Variants in EMC3 observed in about 807,000 individuals in gnomAD.
EMC3 encodes ER membrane protein complex subunit 3, also known as 30 kDa protein.
EMC3 carries 13 observed loss-of-function variants against 36.6 expected under a neutral mutation model. That is an observed-to-expected ratio of 0.35 (90% CI 0.23 to 0.56). The LOEUF is 0.56. EMC3 is among the 20% of genes least tolerant of loss of function. EMC3 has a pLI of 0.84. For synonymous variants in EMC3, 120 were observed against 111.9 expected (o/e 1.07, Z -0.46); for missense variants, 220 against 324.5 (o/e 0.68, Z 2.47).
intron 1 of EMC3, among the ~76,000 whole-genome samples, chr3:10,009,580 C>A (rs1035368410): frequency 2.0e-5 from 3 of 152,176 alleles, no homozygotes; most frequent in African/African-American, 7.2e-5. Context: ...GGGGCAAGGG[C>A]CCTGAGAGCT....
chr3:9,990,929 C>T (rs932338401), upstream of EMC3, among the ~76,000 whole-genome samples: 6 of 151,796 alleles, frequency 4.0e-5, no homozygotes, highest in Non-Finnish European at 5.9e-5. Flanking sequence ...CCCGGGTTCA[C>T]GCCATTCTCC....
intron 1 of EMC3, among the ~76,000 whole-genome samples, chr3:9,984,142 C>T (rs1456975517): frequency 2.0e-5 from 3 of 151,570 alleles, no homozygotes; most frequent in Admixed American, 1.3e-4. Flanking sequence ...AGTGCAGTGG[C>T]ATGATCTCGG....
chr3:9,987,018 A>G, upstream of EMC3: 1 of 1,038,072 alleles, frequency 9.6e-7, no homozygotes, highest in Non-Finnish European at 1.2e-6. Flanking sequence ...GATCGAGACC[A>G]TCCTGGCTAA....
intron 1 of EMC3, among the ~76,000 whole-genome samples, chr3:9,980,131 A>T (rs1349505432): frequency 1.3e-5 from 2 of 151,186 alleles, no homozygotes; most frequent in Non-Finnish European, 1.5e-5. Context: ...CTCCCGCCTC[A>T]GCCTTCAGAG....
intron 1 of EMC3, among the ~76,000 whole-genome samples, chr3:9,999,855 A>T (rs2086175862): frequency 6.6e-6 from 1 of 152,180 alleles, no homozygotes; most frequent in Admixed American, 6.6e-5. Flanking sequence ...AGACATTGCT[A>T]CCTTATTTTC....
rs143750379 is a variant in EMC3, at chr3:9,986,768, C to G, written c.-107G>C. 1.2e-3 allele frequency: 1,787 copies of G among 1,535,586 alleles called. 20 individuals carry two copies. The African/African-American group carries it at 0.019, about 16-fold the overall frequency. ...CCGGGCCTTCTCAAGCCCCTTTGCC[C>G]GTGTACCCCAGAACTCTCCTGCGAC... On this transcript the variant is annotated 5_prime_UTR_variant, in exon 1 of 8. Transcript: ENST00000245046.
rs757326304 is a variant in EMC3, at chr3:9,963,095, T to TA, written c.*973_*974insT. 3.3e-5 allele frequency: 5 copies of TA among 152,184 alleles called. No individual in the cohort carries two copies. Among genetic ancestry groups the TA allele is most frequent in the Non-Finnish European group, 7.4e-5 (5 of 68,026 alleles). 9.4% of individuals were successfully genotyped at this position (152,184 alleles called of 1,614,324 possible). A position where few individuals can be genotyped will look rare whatever the true frequency, so the allele number is the denominator to read the frequency against. ...GGCAGTGCCTCAGGGTCACTGATTT[T>TA]CACTGGGCAGAATTAAGTGATATAG... On this transcript the variant is annotated 3_prime_UTR_variant, in exon 8 of 8. Transcript: ENST00000245046.
chr3:10,007,821 C>G (rs2086281092), intron 1 of EMC3, among the ~76,000 whole-genome samples: 2 of 152,130 alleles, frequency 1.3e-5, no homozygotes, highest in Admixed American at 1.3e-4. Flanking sequence ...TGGCCGGCAT[C>G]TGAGTGTGGC....
chr3:9,993,189 T>G (rs1035888092), intron 1 of EMC3, among the ~76,000 whole-genome samples: 1 of 152,232 alleles, frequency 6.6e-6, no homozygotes, highest in Non-Finnish European at 1.5e-5. Flanking sequence ...AAACTAGCCT[T>G]TCGTATCCTA....
Position 9,980,580 on chromosome 3 carries a change from G to T in EMC3, c.156-3134C>A, listed in dbSNP as rs576933403. On this transcript the variant is annotated intron_variant, in intron 1 of 7. Transcript: ENST00000245046. Reference sequence around the variant, plus strand: ...TTTTTTTTTTTTTTGTAGAGACAGGGTCTCACTATGCTGCCCAGGCTGGTC... The same window carrying T: ...TTTTTTTTTTTTTTGTAGAGACAGGTTCTCACTATGCTGCCCAGGCTGGTC... Among the ~76,000 whole-genome samples the T allele has an allele frequency of 3.5e-4, 52 of 148,324 alleles. No homozygotes were observed. In the South Asian group the frequency reaches 0.011, roughly 31 times the overall value.
intron 1 of EMC3, among the ~76,000 whole-genome samples, chr3:10,005,842 A>G (rs769677168): frequency 3.3e-5 from 5 of 152,018 alleles, no homozygotes; most frequent in Admixed American, 6.5e-5. Flanking sequence ...ACACAAAACA[A>G]GAGAGGAAGT....
At chr3:9,964,515 T>A (rs1245661482) in intron 7 of EMC3, among the ~76,000 whole-genome samples, 3 of 152,248 alleles carry the variant, frequency 2.0e-5, no homozygotes, top group Non-Finnish European at 1.5e-5. Flanking sequence ...AACCCGTCTA[T>A]CAGCTCACAC....
At chr3:9,987,278 G>T (rs551584579), upstream of EMC3, 2 of 984,714 alleles carry the variant, frequency 2.0e-6, no homozygotes, top group East Asian at 2.3e-4. Flanking sequence ...AGTAAATGGA[G>T]CAGTGGTCGT....
intron 1 of EMC3, among the ~76,000 whole-genome samples, chr3:10,001,798 C>CTAACTAA (rs2086203829): frequency 1.3e-5 from 2 of 152,102 alleles, no homozygotes; most frequent in South Asian, 4.2e-4. Context: ...GAGACTGAGA[C>CTAACTAA]CATCCTGGCT....
upstream of EMC3, among the ~76,000 whole-genome samples, chr3:9,990,672 G>C (rs2086038514): frequency 6.6e-6 from 1 of 152,008 alleles, no homozygotes; most frequent in Non-Finnish European, 1.5e-5. Context: ...ACCATGCCTG[G>C]CTAATTTTTG....
At chr3:9,966,326 A>G (rs899954805) in intron 7 of EMC3, among the ~76,000 whole-genome samples, 1 of 149,180 alleles carries the variant, frequency 6.7e-6, no homozygotes, top group Non-Finnish European at 1.5e-5. Context: ...AGGTTTAGGC[A>G]ATTCTCCTGC....
chr3:10,009,852 C>T (rs1280089462), intron 1 of EMC3: 1 of 152,266 alleles, frequency 6.6e-6, no homozygotes, highest in East Asian at 1.9e-4. Context: ...GCCCAAGAAC[C>T]TGGAGCCCTT....
intron 1 of EMC3, chr3:10,007,677 C>A: frequency 7.5e-7 from 1 of 1,330,324 alleles, no homozygotes. Context: ...TAGGTTCCAG[C>A]TTCCCAGGAA....
intron 1 of EMC3, among the ~76,000 whole-genome samples, chr3:9,983,411 G>A (rs1374528428): frequency 2.0e-5 from 3 of 152,120 alleles, no homozygotes; most frequent in Non-Finnish European, 4.4e-5. Flanking sequence ...GCCTCCCTAA[G>A]TGCTGGGATT....
Sources: gnomAD v4.1 joint callset for allele counts (sites outside exome capture counted in the v4.1 genomes callset) on GRCh38, gnomAD v4.1.1 for gene constraint, MANE v1.5 for transcripts, NCBI Gene and HGNC (gene_info 2026-07-23, HGNC 2026-07-21) for gene names.